ATRNL1: variants seen among roughly 807,000 people sequenced by gnomAD.
The protein encoded by ATRNL1 is attractin-like protein 1.
In ATRNL1, 95 loss-of-function variants were observed where a neutral mutation model predicts 182.7. That is an observed-to-expected ratio of 0.52 (90% confidence interval 0.44 to 0.62). ATRNL1 has a LOEUF of 0.62. Ranked by LOEUF, ATRNL1 falls within the 20% of genes least tolerant of loss-of-function variation. The probability of loss-of-function intolerance (pLI) is 0.00; values close to 1 mark genes in which losing one functional copy is unlikely to be tolerated. For missense variants in ATRNL1, 1,471 were observed against 1,679.5 expected (o/e 0.88, Z 2.17); for synonymous variants, 576 against 568.3 (o/e 1.01, Z -0.19).
chr10:115,621,276 T>TAGAGAGAGAGAGAGAG (rs1157745862), intron 26 of ATRNL1, among the ~76,000 whole-genome samples: 17 of 47,564 alleles, frequency 3.6e-4, no homozygotes, highest in Admixed American at 1.1e-3. Context: ...TATATATATA[T>TAGAGAGAGAGAGAGAG]AGAGAGAGAG....
intron 25 of ATRNL1, among the ~76,000 whole-genome samples, chr10:115,527,828 C>G (rs1211880246): frequency 9.8e-6 from 1 of 101,774 alleles, no homozygotes; most frequent in African/African-American, 3.8e-5. Context: ...CTTCCTTCCT[C>G]CCTTCCTCCC....
chr10:115,193,782 G>A (rs1592239097), intron 8 of ATRNL1, among the ~76,000 whole-genome samples: 1 of 151,476 alleles, frequency 6.6e-6, no homozygotes, highest in Non-Finnish European at 1.5e-5. Flanking sequence ...TCTTTAAGAT[G>A]TGCCATTAGG....
chr10:115,124,807 T>TC (rs1171142103), intron 3 of ATRNL1, among the ~76,000 whole-genome samples: 1 of 152,078 alleles, frequency 6.6e-6, no homozygotes, highest in East Asian at 1.9e-4. Flanking sequence ...AATTTAGAGG[T>TC]TATGTCCCAA....
In ATRNL1 at chr10:115,119,261, T is replaced by A. The variant is rs181751826; in HGVS notation, c.294-924T>A. On this transcript the variant is annotated intron_variant, in intron 1 of 28. Coordinates refer to ENST00000355044, the MANE Select transcript of ATRNL1 (RefSeq NM_207303.4). ...CCTGATTTAGGTAAATTAAAGTTTT[T>A]CCCCCCTAATGTATTTAAGGCTCTA... 2.0e-4 allele frequency among the ~76,000 whole-genome samples: 30 copies of A among 151,980 alleles called. No homozygotes were observed. The East Asian group carries it at 4.2e-3, about 21-fold the overall frequency.
At chr10:115,164,633 G>A (rs1846954714) in intron 6 of ATRNL1, among the ~76,000 whole-genome samples, 1 of 152,060 alleles carries the variant, frequency 6.6e-6, no homozygotes, top group African/African-American at 2.4e-5. Flanking sequence ...ACACAATGGA[G>A]TATTGTTTAG....
chr10:115,107,750 A>G (rs1844078837), intron 1 of ATRNL1, among the ~76,000 whole-genome samples: 1 of 152,254 alleles, frequency 6.6e-6, no homozygotes, highest in African/African-American at 2.4e-5. Context: ...AATTGGCACC[A>G]CATGGATGGA....
intron 19 of ATRNL1, among the ~76,000 whole-genome samples, chr10:115,360,662 T>A (rs1338478): frequency 0.97 from 145,933 of 149,958 alleles, 71,044 homozygotes; most frequent in Middle Eastern, 1. Context: ...CTTTTTTTTT[T>A]AAAAAAAAAT....
chr10:115,589,759 A>C (rs10885746), intron 26 of ATRNL1, among the ~76,000 whole-genome samples: 69,327 of 151,986 alleles, frequency 0.46, 16,731 homozygotes, highest in African/African-American at 0.53. Flanking sequence ...TATATAACAC[A>C]TAATTTTTCC....
intron 8 of ATRNL1, among the ~76,000 whole-genome samples, chr10:115,179,967 A>G (rs1847684820): frequency 6.6e-6 from 1 of 151,868 alleles, no homozygotes; most frequent in African/African-American, 2.4e-5. Flanking sequence ...ATTCAAGAAA[A>G]CCTTTTTGTT....
intron 20 of ATRNL1, among the ~76,000 whole-genome samples, chr10:115,421,994 T>C (rs1353565893): frequency 6.6e-6 from 1 of 152,168 alleles, no homozygotes; most frequent in Non-Finnish European, 1.5e-5. Context: ...GCTAGCCATA[T>C]GCAGAAGTTG....
chr10:115,193,639 T>TAAG (rs1554890372), intron 8 of ATRNL1, among the ~76,000 whole-genome samples: 3 of 151,840 alleles, frequency 2.0e-5, no homozygotes, highest in African/African-American at 7.2e-5. Flanking sequence ...TTGTCTATAT[T>TAAG]TTCATCTTTT....
rs538306726 is a variant in ATRNL1 at position 115,614,617 on chromosome 10, A to G, written c.3795+65081A>G. On this transcript the variant is annotated intron_variant, in intron 26 of 28. Coordinates refer to ENST00000355044, the MANE Select transcript of ATRNL1 (RefSeq NM_207303.4). ...AGATAATCTGTCCAATGCTGAAAGT[A>G]GAGTGTTCAAGTACCCAACTGTTAC... 2.0e-5 allele frequency among the ~76,000 whole-genome samples: 3 copies of G among 152,254 alleles called. No homozygotes were observed. The South Asian group carries it at 6.2e-4, about 32-fold the overall frequency.
intron 27 of ATRNL1, among the ~76,000 whole-genome samples, chr10:115,748,144 C>G (rs1241958811): frequency 6.6e-6 from 1 of 151,880 alleles, no homozygotes; most frequent in East Asian, 1.9e-4. Context: ...GCTAGTGAAG[C>G]CTGTAAGTCA....
At chr10:115,412,614 G>A (rs1425141445) in intron 20 of ATRNL1, among the ~76,000 whole-genome samples, 2 of 152,074 alleles carry the variant, frequency 1.3e-5, no homozygotes, top group Admixed American at 1.3e-4. Context: ...AGATATTTTT[G>A]TAATATATTC....
chr10:115,299,388 AG>A (rs148856271), intron 15 of ATRNL1, among the ~76,000 whole-genome samples: 1,726 of 152,180 alleles, frequency 0.011, 28 homozygotes, highest in African/African-American at 0.039. Context: ...GTTAAATTAT[AG>A]GCACGAGCAT....
intron 26 of ATRNL1, among the ~76,000 whole-genome samples, chr10:115,636,116 C>T (rs74161618): frequency 0.023 from 3,521 of 152,150 alleles, 119 homozygotes; most frequent in African/African-American, 0.078. Flanking sequence ...GAGATACTTA[C>T]GATTTCTCAT....
rs1554936002 is a variant in ATRNL1, at chr10:115,334,324, T to C, written c.3080T>C (p.Val1027Ala). ...CATAGCACTTGCATCAATAATAATGTGTGCGAACAGTGTAAAAATCTCACC... is the reference window on the plus strand; with the variant it reads ...CATAGCACTTGCATCAATAATAATGCGTGCGAACAGTGTAAAAATCTCACC... The part of the protein sequence containing the change: ...NGHSTCINNN[V>A]CEQCKNLTTG... Residue 1027 changes from valine to alanine, a missense_variant, in exon 19 of 29, where the codon GTG (valine) becomes GCG (alanine). Val to Ala is a moderately conservative substitution (Grantham distance 64). Around this residue, in one of 3 missense-constraint regions of ATRNL1, gnomAD observed 437 missense variants for 506.0 expected, o/e 0.86. Transcript: ENST00000355044. 1 of 1,596,516 alleles carries C rather than the reference T, an allele frequency of 6.3e-7. No individual in the cohort carries two copies.
intron 19 of ATRNL1, among the ~76,000 whole-genome samples, chr10:115,367,997 G>A (rs1857154479): frequency 6.6e-6 from 1 of 152,100 alleles, no homozygotes; most frequent in Admixed American, 6.6e-5. Flanking sequence ...TGCCCCCAGA[G>A]GTGGAGCCTA....
At chr10:115,172,057 T>G (rs782074756) in intron 8 of ATRNL1, among the ~76,000 whole-genome samples, 4 of 152,060 alleles carry the variant, frequency 2.6e-5, no homozygotes, top group Non-Finnish European at 5.9e-5. Context: ...TTAGAGTCCT[T>G]GTGCAGTCTT....
Sources: gnomAD v4.1 joint callset for allele counts (sites outside exome capture counted in the v4.1 genomes callset) on GRCh38, gnomAD v4.1.1 for gene constraint, gnomAD v4.1.1 regional missense constraint, MANE v1.5 for transcripts, NCBI Gene and HGNC (gene_info 2026-07-23, HGNC 2026-07-21) for gene names.